PRKD3: variants seen among roughly 807,000 people sequenced by gnomAD.
PRKD3 encodes the protein protein kinase D3.
A neutral mutation model predicts 99.2 loss-of-function variants in PRKD3; 47 were observed. The observed-to-expected ratio is 0.47, with a 90% CI of 0.38 to 0.60. PRKD3 has a LOEUF of 0.60. Ranked by LOEUF, PRKD3 falls within the 20% of genes least tolerant of loss-of-function variation. The pLI is 0.00. For missense variants in PRKD3, 1,019 were observed against 1,088.4 expected (o/e 0.94, Z 0.90); for synonymous variants, 392 against 355.4 (o/e 1.10, Z -1.16).
Position 37,286,279 on chromosome 2 carries a change from C to T in PRKD3, c.808G>A (p.Val270Ile). The T allele has an allele frequency of 6.2e-7, 1 of 1,614,008 alleles. No individual in the cohort carries two copies. Among genetic ancestry groups the T allele is most frequent in the Non-Finnish European group, 8.5e-7 (1 of 1,179,934 alleles). The change falls in exon 6 of 19, where the codon GTT (valine) becomes ATT (isoleucine). Residue 270 changes from valine (V) to isoleucine (I), a missense_variant. Coordinates refer to ENST00000234179, the MANE Select transcript of PRKD3 (RefSeq NM_005813.6). Reference protein sequence around the residue: ...MEKMVMCRVKVPHTFAVHSYT... With the variant: ...MEKMVMCRVKIPHTFAVHSYT... ...GAGTGAACAGCAAATGTGTGTGGAA[C>T]TTTCACTCTGCACATTACCATCTTT...
chr2:37,272,480 A>G lies in PRKD3; in HGVS notation c.1652-48T>C, dbSNP rs776753783. On this transcript the variant is annotated intron_variant, in intron 11 of 18. Coordinates refer to ENST00000234179, the MANE Select transcript of PRKD3 (RefSeq NM_005813.6). The stretch of plus-strand genomic sequence containing the variant: ...AATTTAGTATATGACAATATTATTA[A>G]TCTTTACTGACATGTGAATGCTCAT... 95 of 1,560,592 alleles carry G rather than the reference A, an allele frequency of 6.1e-5. 2 individuals are homozygous for G. The South Asian group carries it at 1.1e-3, about 18-fold the overall frequency.
chr2:37,264,773 A>G (rs1668720389), intron 14 of PRKD3, among the ~76,000 whole-genome samples: 1 of 152,136 alleles, frequency 6.6e-6, no homozygotes, highest in African/African-American at 2.4e-5. Context: ...TTTGTTGTGT[A>G]TATTGTCTGC....
chr2:37,319,639 G>A (rs1189281393), intron 1 of PRKD3, among the ~76,000 whole-genome samples: 3 of 152,026 alleles, frequency 2.0e-5, no homozygotes, highest in Non-Finnish European at 4.4e-5. Flanking sequence ...CTAATGCAAA[G>A]CTAATGCCCT....
At chr2:37,269,341 C>G (rs1336519258) in intron 13 of PRKD3, 3 of 399,782 alleles carry the variant, frequency 7.5e-6, no homozygotes, top group East Asian at 4.7e-5. Context: ...ATCTCCCCCC[C>G]TGCCTCCGAC....
intron 1 of PRKD3, chr2:37,324,309 G>C: frequency 5.0e-6 from 4 of 799,192 alleles, no homozygotes; most frequent in Non-Finnish European, 6.1e-6. Flanking sequence ...TGGGAGACCC[G>C]GGAACGGATC....
intron 1 of PRKD3, among the ~76,000 whole-genome samples, chr2:37,323,806 C>G (rs1045325398): frequency 8.5e-5 from 13 of 152,202 alleles, no homozygotes; most frequent in Non-Finnish European, 1.5e-4. Context: ...CAGGGTGTAA[C>G]TTATCCTTCC....
At chr2:37,302,608 A>G (rs1195662380) in intron 2 of PRKD3, among the ~76,000 whole-genome samples, 2 of 152,254 alleles carry the variant, frequency 1.3e-5, no homozygotes, top group Non-Finnish European at 2.9e-5. Flanking sequence ...GTAAAATGTC[A>G]GGCAAGGTAG....
chr2:37,287,490 C>G (rs1670178071), intron 5 of PRKD3, among the ~76,000 whole-genome samples: 1 of 151,920 alleles, frequency 6.6e-6, no homozygotes, highest in African/African-American at 2.4e-5. Flanking sequence ...AATTACCCAA[C>G]TTCTCTGAAT....
chr2:37,266,773 C>G (rs1336247497), intron 14 of PRKD3, among the ~76,000 whole-genome samples: 1 of 152,196 alleles, frequency 6.6e-6, no homozygotes. Context: ...TAGGTGCGCA[C>G]CACCTCACCT....
At chr2:37,312,578 T>C (rs1671479276) in intron 2 of PRKD3, among the ~76,000 whole-genome samples, 1 of 152,198 alleles carries the variant, frequency 6.6e-6, no homozygotes, top group African/African-American at 2.4e-5. Flanking sequence ...CATCTTTTGT[T>C]AGTGACTCTT....
intron 5 of PRKD3, among the ~76,000 whole-genome samples, chr2:37,287,181 G>T (rs145087581): frequency 7.8e-6 from 1 of 127,836 alleles, no homozygotes; most frequent in African/African-American, 3.0e-5. Flanking sequence ...GGTAAGCCGA[G>T]ATCATGCCAT....
chr2:37,263,712 G>A (rs1475645246), intron 14 of PRKD3, among the ~76,000 whole-genome samples: 1 of 152,160 alleles, frequency 6.6e-6, no homozygotes, highest in East Asian at 1.9e-4. Context: ...GAGGACATAA[G>A]GGCTGCAGAT....
At chr2:37,304,196 T>TA (rs70949750) in intron 2 of PRKD3, among the ~76,000 whole-genome samples, 10,530 of 93,916 alleles carry the variant, frequency 0.11, 527 homozygotes, top group Middle Eastern at 0.16. Flanking sequence ...AGGTACTTAC[T>TA]AAAAAAAAAA....
At chr2:37,317,757 T>C (rs191115347) in intron 1 of PRKD3, 2 of 152,174 alleles carry the variant, frequency 1.3e-5, no homozygotes, top group Admixed American at 6.5e-5. Flanking sequence ...GACATACTTA[T>C]CACAGGAACA....
intron 1 of PRKD3, among the ~76,000 whole-genome samples, chr2:37,317,591 C>G (rs1671719861): frequency 6.6e-6 from 1 of 152,176 alleles, no homozygotes; most frequent in Non-Finnish European, 1.5e-5. Context: ...ATGTACAATA[C>G]TTTCCTAATA....
At chr2:37,255,894 A>T (rs1667892750) in intron 17 of PRKD3, among the ~76,000 whole-genome samples, 1 of 152,050 alleles carries the variant, frequency 6.6e-6, no homozygotes, top group Admixed American at 6.5e-5. Context: ...CATACCCATC[A>T]TCCCACCTAG....
chr2:37,271,915 A>C (rs1669292564), intron 12 of PRKD3, among the ~76,000 whole-genome samples: 1 of 152,204 alleles, frequency 6.6e-6, no homozygotes, highest in Non-Finnish European at 1.5e-5. Flanking sequence ...TACACCAGCC[A>C]ACTTAATTTA....
intron 1 of PRKD3, among the ~76,000 whole-genome samples, chr2:37,317,473 C>G (rs571000486): frequency 1.5e-5 from 2 of 133,182 alleles, no homozygotes; most frequent in Non-Finnish European, 3.0e-5. Context: ...CCAAACACTT[C>G]TATGTTACAA....
chr2:37,257,666 CAAAAGAAAA>C (rs1181369558), intron 16 of PRKD3, among the ~76,000 whole-genome samples: 6 of 62,436 alleles, frequency 9.6e-5, no homozygotes, highest in East Asian at 8.0e-4. Flanking sequence ...GACTCTGTCT[CAAAAGAAAA>C]AAAAAAAAAA....
Sources: allele counts gnomAD v4.1 joint callset (sites outside exome capture counted in the v4.1 genomes callset), GRCh38; gene constraint gnomAD v4.1.1; transcripts MANE v1.5; gene names NCBI Gene and HGNC (gene_info 2026-07-23, HGNC 2026-07-21).